Variants in COL18A1 observed in about 807,000 individuals in gnomAD.
The protein encoded by COL18A1 is collagen type XVIII alpha 1 chain.
COL18A1 carries 133 observed loss-of-function variants against 168.0 expected under a neutral mutation model. That is an observed-to-expected ratio of 0.79 (90% CI 0.69 to 0.91). The LOEUF is 0.91. COL18A1 is among the 40% of genes least tolerant of loss of function. COL18A1 has a pLI of 0.00. For missense variants in COL18A1, 2,126 were observed against 1,925.4 expected (o/e 1.10, Z -1.95); for synonymous variants, 949 against 809.0 (o/e 1.17, Z -2.94).
At chr21:45,450,821 C>T (rs1265899309) in intron 2 of COL18A1, among the ~76,000 whole-genome samples, 2 of 152,232 alleles carry the variant, frequency 1.3e-5, no homozygotes, top group African/African-American at 4.8e-5. Context: ...GCCCACCCTG[C>T]ACCCCACAGC....
intron 30 of COL18A1, 82 bp downstream of exon 30, chr21:45,496,650 C>A: frequency 2.5e-6 from 2 of 794,134 alleles, no homozygotes; most frequent in Admixed American, 3.4e-5. Context: ...GCCTTCTTCT[C>A]CCCTGGCCTC....
chr21:45,427,118 T>G (rs1240673642), intron 2 of COL18A1, among the ~76,000 whole-genome samples: 1 of 152,174 alleles, frequency 6.6e-6, no homozygotes, highest in African/African-American at 2.4e-5. Flanking sequence ...CTCCGGAGCG[T>G]GTGTAGGGCC....
At chr21:45,493,606 C>T (rs1395624524) in intron 26 of COL18A1, 31 bp downstream of exon 26, 23 of 1,496,730 alleles carry the variant, frequency 1.5e-5, no homozygotes, top group South Asian at 3.6e-5. Context: ...TTCCGGCAGG[C>T]GTGGGGGCTC....
At position 45,494,800 on chromosome 21, in the gene COL18A1, C is replaced by T. The variant is rs567802543; in HGVS notation, c.2380-62C>T. The T allele has an allele frequency of 2.7e-6, 4 of 1,484,078 alleles. No individual in the cohort carries two copies. In the South Asian group the frequency reaches 4.7e-5, roughly 18 times the overall value. The allele number at this position is 1,484,078 out of a possible 1,614,324, so 91.9% of individuals were successfully genotyped here. On this transcript the variant is annotated intron_variant, in intron 27 of 41. Transcript: ENST00000651438. ...ATGGCCCCTCCCCTTCCCCAGGACC[C>T]CCCAACTCGTGGTCAAGGGCCAGGG...
chr21:45,509,682 G>T, intron 39 of COL18A1, 81 bp downstream of exon 39: 2 of 825,548 alleles, frequency 2.4e-6, no homozygotes, highest in Non-Finnish European at 4.0e-6. Flanking sequence ...CCCCTGCAGA[G>T]CTGCTGGGGG....
At chr21:45,451,233 A>G (rs548870847) in intron 2 of COL18A1, among the ~76,000 whole-genome samples, 4 of 152,376 alleles carry the variant, frequency 2.6e-5, no homozygotes, top group South Asian at 4.1e-4. Flanking sequence ...ATGGTACCAC[A>G]GCACTGTAGC....
intron 28 of COL18A1, 49 bp downstream of exon 28, chr21:45,494,964 T>G (rs748740155): frequency 6.5e-7 from 1 of 1,540,590 alleles, no homozygotes; most frequent in Non-Finnish European, 8.9e-7. Flanking sequence ...GTCTGGCAGG[T>G]GGGGAGCAGC....
chr21:45,426,247 G>T (rs1282534329), intron 2 of COL18A1, among the ~76,000 whole-genome samples: 1 of 152,160 alleles, frequency 6.6e-6, no homozygotes, highest in Non-Finnish European at 1.5e-5. Context: ...TGGAATTACA[G>T]GCGCCCGCCA....
intron 2 of COL18A1, chr21:45,455,809 C>A (rs2034781205): frequency 6.2e-7 from 1 of 1,613,338 alleles, no homozygotes; most frequent in African/African-American, 1.3e-5. Flanking sequence ...GCCAGGACAC[C>A]CCCACTTCTG....
Position 45,473,862 on chromosome 21 carries a change from C to T in COL18A1, c.652-33C>T. On this transcript the variant is annotated intron_variant, in intron 3 of 41. Coordinates refer to ENST00000651438, the MANE Select transcript of COL18A1 (RefSeq NM_001379500.1). The surrounding 1 kb of genome is among the most constrained non-coding windows in gnomAD (Gnocchi z 4.0). ...CGGGGTTGCCACTGCCACCTCAGGA[C>T]CGCTGGTGACCCCTTTCTCTGTCTG... 1 of 1,555,440 alleles carries T rather than the reference C, an allele frequency of 6.4e-7. No homozygotes were observed. Among genetic ancestry groups the T allele is most frequent in the Non-Finnish European group, 8.7e-7 (1 of 1,145,914 alleles).
chr21:45,511,094 C>CAA lies in COL18A1; in HGVS notation c.3694-16_3694-15insAA, dbSNP rs777141054. The CAA allele has an allele frequency of 7.0e-7, 1 of 1,429,290 alleles. No individual in the cohort carries two copies. Among genetic ancestry groups the CAA allele is most frequent in the South Asian group, 1.2e-5 (1 of 81,908 alleles). The allele number at this position is 1,429,290 out of a possible 1,614,324, so 88.5% of individuals were successfully genotyped here. ...CCCCCACACACCACACACACATACACACGGTTTCTCTTCCAGGACGAGCTG... is the reference window on the plus strand; with the variant it reads ...CCCCCACACACCACACACACATACACAAACGGTTTCTCTTCCAGGACGAGCTG... On this transcript the variant is annotated splice_polypyrimidine_tract_variant and intron_variant, in intron 40 of 41. Transcript: ENST00000651438.
chr21:45,449,564 G>A (rs186861971), intron 2 of COL18A1, among the ~76,000 whole-genome samples: 4 of 152,272 alleles, frequency 2.6e-5, no homozygotes, highest in East Asian at 1.9e-4. Context: ...GGGAGAGAAT[G>A]GGCTTATGGG....
chr21:45,509,839 G>A (rs968758094), intron 39 of COL18A1, among the ~76,000 whole-genome samples: 9 of 152,328 alleles, frequency 5.9e-5, no homozygotes, highest in East Asian at 1.9e-4. Context: ...GCGTACCTCC[G>A]CCTACAGCGG....
chr21:45,494,136 G>C (rs1252934696), intron 26 of COL18A1: 1 of 369,474 alleles, frequency 2.7e-6, no homozygotes, highest in Admixed American at 3.8e-5. Context: ...GGGGTGTTTG[G>C]GGTGGGCCTC....
In COL18A1 at chr21:45,455,672, C is replaced by G. The variant is rs61749002; in HGVS notation, c.107-12570C>G. Reference sequence around the variant, plus strand: ...CCATGCAGCTACCACGATCCCTGAGCCCCAGGGGCCCCTGCCTGTGCAGCC... The same window carrying G: ...CCATGCAGCTACCACGATCCCTGAGGCCCAGGGGCCCCTGCCTGTGCAGCC... On this transcript the variant is annotated intron_variant, in intron 2 of 41. Coordinates refer to ENST00000651438, the MANE Select transcript of COL18A1 (RefSeq NM_001379500.1). 3.7e-3 allele frequency: 5,907 copies of G among 1,613,744 alleles called. 198 individuals carry two copies. In the African/African-American group the frequency reaches 0.07, roughly 19 times the overall value.
intron 34 of COL18A1, 101 bp downstream of exon 34, chr21:45,504,657 G>A: frequency 9.6e-7 from 1 of 1,040,598 alleles, no homozygotes; most frequent in Non-Finnish European, 1.4e-6. Context: ...GAAGGCCGGA[G>A]CTGCCCCTGC....
At chr21:45,433,196 C>T (rs55684533) in intron 2 of COL18A1, among the ~76,000 whole-genome samples, 29,405 of 152,128 alleles carry the variant, frequency 0.19, 2,932 homozygotes, top group Middle Eastern at 0.26. Flanking sequence ...GAGAGGGACG[C>T]GCTGGGTTTG....
At chr21:45,499,713 T>C (rs544266438) in intron 32 of COL18A1, among the ~76,000 whole-genome samples, 2 of 152,346 alleles carry the variant, frequency 1.3e-5, no homozygotes, top group Admixed American at 1.3e-4. Context: ...GTGGTAGTTC[T>C]CACTATATTG....
At chr21:45,427,486 C>T (rs770192914) in intron 2 of COL18A1, among the ~76,000 whole-genome samples, 12 of 152,206 alleles carry the variant, frequency 7.9e-5, no homozygotes, top group Admixed American at 1.3e-4. Flanking sequence ...GCCCGGGTGC[C>T]GTGCCCATGG....
Sources: gnomAD v4.1 joint callset for allele counts (sites outside exome capture counted in the v4.1 genomes callset) on GRCh38, gnomAD v4.1.1 for gene constraint, Gnocchi (gnomAD v3.1) non-coding constraint, MANE v1.5 for transcripts, NCBI Gene and HGNC (gene_info 2026-07-23, HGNC 2026-07-21) for gene names.